Variants in PTPRN2 observed in about 807,000 individuals in gnomAD.
PTPRN2 encodes protein tyrosine phosphatase receptor type N2, also known as receptor-type tyrosine-protein phosphatase N2.
Under a neutral mutation model 118.8 loss-of-function variants are expected in PTPRN2, and 74 were observed. The observed-to-expected ratio is 0.62, with a 90% confidence interval of 0.52 to 0.76. PTPRN2 has a LOEUF of 0.76. Ranked by LOEUF, PTPRN2 falls within the 30% of genes least tolerant of loss-of-function variation. The probability of loss-of-function intolerance (pLI) is 0.00; values close to 1 mark genes in which losing one functional copy is unlikely to be tolerated. For synonymous variants in PTPRN2, 641 were observed against 608.0 expected, an observed-to-expected ratio of 1.05 and a Z score of -0.80; for missense variants, 1,481 against 1,394.4, an observed-to-expected ratio of 1.06 and a Z score of -0.99.
chr7:158,550,609 C>T (rs1400819745), intron 1 of PTPRN2, among the ~76,000 whole-genome samples: 5 of 152,232 alleles, frequency 3.3e-5, no homozygotes, highest in Admixed American at 6.5e-5. Flanking sequence ...GGCTCCCAGA[C>T]GCCTCCCAGG....
At position 158,173,023 on chromosome 7, in the gene PTPRN2, T is replaced by C. The variant is rs186979041; in HGVS notation, c.550-5732A>G. Among the ~76,000 whole-genome samples, 154 of 136,586 alleles carry C rather than the reference T, an allele frequency of 1.1e-3. No individual in the cohort carries two copies. The South Asian group carries it at 0.012, about 11-fold the overall frequency. 89.6% of individuals were successfully genotyped at this position (136,586 alleles called of 152,430 possible). A position where few individuals can be genotyped will look rare whatever the true frequency, so the allele number is the denominator to read the frequency against. On this transcript the variant is annotated intron_variant, in intron 5 of 22. Coordinates refer to ENST00000389418, the MANE Select transcript of PTPRN2 (RefSeq NM_002847.5). ...CCACCAATATCATCTTCACCATCCA[T>C]AGCAGGATCCCCACCATCATCACCC... is the stretch of plus-strand genomic sequence containing the variant.
chr7:157,834,833 T>G (rs1807824630), intron 12 of PTPRN2, among the ~76,000 whole-genome samples: 1 of 152,170 alleles, frequency 6.6e-6, no homozygotes, highest in African/African-American at 2.4e-5. Flanking sequence ...ACCCCAAATG[T>G]GTTGTCAATA....
intron 12 of PTPRN2, among the ~76,000 whole-genome samples, chr7:157,820,459 GCACA>G (rs1312274205): frequency 1.3e-5 from 2 of 148,672 alleles, no homozygotes; most frequent in Non-Finnish European, 3.0e-5. Context: ...CCACACACAT[GCACA>G]CAAACACCCA....
rs1284770669 is a variant in PTPRN2, at chr7:157,622,702, C to G, written c.2197-1193G>C. ...TGCTGTTTGCGCGACACCCCCGCAT[C>G]TGGGTGGGTGTGGTGGTGAGGGACA... is the stretch of plus-strand genomic sequence containing the variant. On this transcript the variant is annotated intron_variant, in intron 14 of 22. Coordinates refer to ENST00000389418, the MANE Select transcript of PTPRN2 (RefSeq NM_002847.5). This position sits in a 1 kb window ranked among gnomAD's most constrained non-coding sequence, Gnocchi z 5.3. 2.0e-5 allele frequency among the ~76,000 whole-genome samples: 3 copies of G among 152,216 alleles called. No individual in the cohort carries two copies. The highest frequency in any genetic ancestry group is 2.9e-5 in the Non-Finnish European group (2 of 68,038).
At chr7:158,524,526 T>TCGC (rs1420153931) in intron 1 of PTPRN2, among the ~76,000 whole-genome samples, 1 of 144,280 alleles carries the variant, frequency 6.9e-6, no homozygotes, top group Non-Finnish European at 1.5e-5. Context: ...TGGAGTGGAG[T>TCGC]CTGCCCTGGA....
At chr7:158,483,637 G>A (rs1586773954) in intron 2 of PTPRN2, among the ~76,000 whole-genome samples, 1 of 152,284 alleles carries the variant, frequency 6.6e-6, no homozygotes, top group East Asian at 1.9e-4. Flanking sequence ...CAACCATCTT[G>A]TTTTGTGTTG....
intron 6 of PTPRN2, among the ~76,000 whole-genome samples, chr7:158,153,702 T>A (rs188256794): frequency 1.3e-5 from 2 of 152,360 alleles, no homozygotes; most frequent in African/African-American, 4.8e-5. Context: ...TGATTTTTAC[T>A]GAGTGTGATG....
rs943224920 is a variant in PTPRN2 at position 157,651,576 on chromosome 7, C to T, written c.2196+4781G>A. The stretch of plus-strand genomic sequence containing the variant: ...TCAGGCGTAATTAGTCACATCGGGA[C>T]GGTGACACTCTTCTCCACCTCCTCA... On this transcript the variant is annotated intron_variant, in intron 14 of 22. Coordinates refer to ENST00000389418, the MANE Select transcript of PTPRN2 (RefSeq NM_002847.5). Among the ~76,000 whole-genome samples, 7 of 152,180 alleles carry T rather than the reference C, an allele frequency of 4.6e-5. No individual in the cohort carries two copies. In the East Asian group the frequency reaches 7.7e-4, roughly 17 times the overall value.
In PTPRN2 at chr7:158,003,448, G is replaced by T. The variant is rs1189704035; in HGVS notation, c.1723+77850C>A. On this transcript the variant is annotated intron_variant, in intron 11 of 22. Coordinates refer to ENST00000389418, the MANE Select transcript of PTPRN2 (RefSeq NM_002847.5). This position sits in a 1 kb window ranked among gnomAD's most constrained non-coding sequence, Gnocchi z 5.0. The stretch of plus-strand genomic sequence containing the variant: ...AAAAAAAAAAAATGAGGTCCTGAGG[G>T]GGCCCCAATCCAATAGGACCTGTGT... Among the ~76,000 whole-genome samples, 2 of 152,000 alleles carry T rather than the reference G, an allele frequency of 1.3e-5. No individual in the cohort carries two copies. Among genetic ancestry groups the T allele is most frequent in the Admixed American group, 6.5e-5 (1 of 15,276 alleles).
At position 158,015,892 on chromosome 7, in the gene PTPRN2, C is replaced by T. The variant is rs1458077326; in HGVS notation, c.1723+65406G>A. 6.6e-6 allele frequency among the ~76,000 whole-genome samples: 1 copy of T among 152,146 alleles called. No homozygotes were observed. The highest frequency in any genetic ancestry group is 2.4e-5 in the African/African-American group (1 of 41,420). On this transcript the variant is annotated intron_variant, in intron 11 of 22. Coordinates refer to ENST00000389418, the MANE Select transcript of PTPRN2 (RefSeq NM_002847.5). This position sits in a 1 kb window ranked among gnomAD's most constrained non-coding sequence, Gnocchi z 4.2. ...GAGGGGGAACAAAAGGGTCAGCTTC[C>T]GCTAAGAAAGCCTCAGCCACGTCCC...
intron 21 of PTPRN2, among the ~76,000 whole-genome samples, chr7:157,556,383 ACAC>A: frequency 1.3e-5 from 2 of 148,258 alleles, no homozygotes; most frequent in Admixed American, 1.3e-4. Context: ...TGCACACACC[ACAC>A]AACACTCACC....
chr7:158,559,716 T>C (rs916180829), intron 1 of PTPRN2, among the ~76,000 whole-genome samples: 4 of 152,166 alleles, frequency 2.6e-5, no homozygotes, highest in Non-Finnish European at 2.9e-5. Context: ...CAGTAAAGAA[T>C]GGACACAGGC....
intron 3 of PTPRN2, among the ~76,000 whole-genome samples, chr7:158,245,135 C>T (rs1417840990): frequency 2.0e-5 from 3 of 152,176 alleles, no homozygotes; most frequent in South Asian, 2.1e-4. Context: ...TGCCGGAATC[C>T]GTGGTCATGC....
chr7:157,556,647 TCACA>T (rs1171407911), intron 21 of PTPRN2, among the ~76,000 whole-genome samples: 12 of 128,154 alleles, frequency 9.4e-5, no homozygotes, highest in Admixed American at 3.1e-4. Flanking sequence ...ACACACACAT[TCACA>T]CAAACATGCA....
chr7:158,202,003 T>A (rs1335162142), intron 4 of PTPRN2, among the ~76,000 whole-genome samples: 2 of 152,178 alleles, frequency 1.3e-5, no homozygotes, highest in African/African-American at 4.8e-5. Flanking sequence ...TTTTACAGAG[T>A]TTGACTCTTT....
At chr7:157,907,789 C>T (rs1259980703) in intron 11 of PTPRN2, among the ~76,000 whole-genome samples, 7 of 152,116 alleles carry the variant, frequency 4.6e-5, no homozygotes, top group Admixed American at 2.6e-4. Flanking sequence ...CCCTCTTCTG[C>T]CCCCATGTGC....
intron 11 of PTPRN2, among the ~76,000 whole-genome samples, chr7:158,067,602 G>A (rs1269990976): frequency 1.3e-5 from 2 of 152,188 alleles, no homozygotes; most frequent in African/African-American, 2.4e-5. Context: ...TCTGTAACGG[G>A]CTGGAGAGTG....
chr7:158,085,797 T>C (rs1357918532), intron 10 of PTPRN2, among the ~76,000 whole-genome samples: 92 of 109,572 alleles, frequency 8.4e-4, no homozygotes, highest in African/African-American at 3.4e-3. Context: ...ACGACGCCCA[T>C]CCACACATGC....
rs551701173 is a variant in PTPRN2 at position 158,171,977 on chromosome 7, G to A, written c.550-4686C>T. 3.2e-4 allele frequency among the ~76,000 whole-genome samples: 49 copies of A among 152,244 alleles called. No individual in the cohort carries two copies. In the South Asian group the frequency reaches 8.7e-3, roughly 27 times the overall value. ...TTCAAACTATGTGTAAGAGAAATCC[G>A]GCTGAGCATCTCTGGGGTAGCCCAG... On this transcript the variant is annotated intron_variant, in intron 5 of 22. Transcript: ENST00000389418.
Sources: allele counts gnomAD v4.1 joint callset (sites outside exome capture counted in the v4.1 genomes callset), GRCh38; gene constraint gnomAD v4.1.1; non-coding constraint Gnocchi (gnomAD v3.1); transcripts MANE v1.5; gene names NCBI Gene and HGNC (gene_info 2026-07-23, HGNC 2026-07-21).